PCDHGA1: variants seen among roughly 807,000 people sequenced by gnomAD.
The protein encoded by PCDHGA1 is protocadherin gamma subfamily A, 1.
In PCDHGA1, 32 loss-of-function variants were observed where a neutral mutation model predicts 58.0. That is an observed-to-expected ratio of 0.55 (90% confidence interval 0.42 to 0.74). PCDHGA1 has a LOEUF of 0.74. Among genes scored for constraint, PCDHGA1 ranks in the 30% least tolerant of loss-of-function variants. PCDHGA1 has a pLI of 0.00. For missense variants in PCDHGA1, 1,205 were observed against 1,182.3 expected, an observed-to-expected ratio of 1.02 and a Z score of -0.28; for synonymous variants, 498 against 501.1, an observed-to-expected ratio of 0.99 and a Z score of 0.08.
Position 141,489,138 on chromosome 5 carries a change from T to C in PCDHGA1, c.2422-5669T>C. 1.4e-6 allele frequency: 1 copy of C among 738,808 alleles called. No homozygotes were observed. The highest frequency in any genetic ancestry group is 3.0e-5 in the Admixed American group (1 of 33,014). The allele number at this position is 738,808 out of a possible 1,614,324, so 45.8% of individuals were successfully genotyped here. On this transcript the variant is annotated intron_variant, in intron 1 of 3. Transcript: ENST00000517417. This position sits in a 1 kb window ranked among gnomAD's most constrained non-coding sequence, Gnocchi z 4.5. ...AACCTCCGAGCAGTTTTTAAGAGGC[T>C]GGAAGGAGACATAAGAGACTTCAGC...
intron 1 of PCDHGA1, chr5:141,426,560 G>A (rs1358683534): frequency 5.7e-6 from 2 of 352,756 alleles, no homozygotes; most frequent in South Asian, 2.1e-5. Flanking sequence ...AGAATAGATC[G>A]AGAGTCACTG....
At chr5:141,418,769 C>A (rs1488222030) in intron 1 of PCDHGA1, 2 of 1,613,828 alleles carry the variant, frequency 1.2e-6, no homozygotes, top group East Asian at 4.5e-5. Flanking sequence ...CATTCTAACT[C>A]AGCAGCCTTT....
intron 1 of PCDHGA1, chr5:141,374,217 T>C (rs771956915): frequency 5.6e-6 from 9 of 1,613,862 alleles, no homozygotes; most frequent in Non-Finnish European, 6.8e-6. Context: ...GGCTCCTTCG[T>C]AGGCAACATC....
chr5:141,346,255 T>A, intron 1 of PCDHGA1: 24 of 1,614,188 alleles, frequency 1.5e-5, no homozygotes, highest in Non-Finnish European at 1.9e-5. Context: ...TCGCACTTTG[T>A]GGGCGCGGAC....
chr5:141,387,740 C>T lies in PCDHGA1; in HGVS notation c.2421+54635C>T, dbSNP rs952205441. The T allele has an allele frequency of 3.8e-6, 5 of 1,328,736 alleles. No individual in the cohort carries two copies. In the African/African-American group the frequency reaches 5.9e-5, roughly 16 times the overall value. The allele number at this position is 1,328,736 out of a possible 1,614,324, so 82.3% of individuals were successfully genotyped here. ...GACTCCCCAGCGCCAGCCTTTACAC[C>T]GCTTCCTCCTCGGAAAAAGAAGAAT... On this transcript the variant is annotated intron_variant, in intron 1 of 3. Coordinates refer to ENST00000517417, the MANE Select transcript of PCDHGA1 (RefSeq NM_018912.3).
chr5:141,372,572 C>A (rs1199574805), intron 1 of PCDHGA1: 2 of 1,613,940 alleles, frequency 1.2e-6, no homozygotes, highest in Admixed American at 1.7e-5. Context: ...CTGAGGGCTA[C>A]TTTCAGCCTG....
intron 1 of PCDHGA1, chr5:141,413,487 G>A (rs1190400492): frequency 1.9e-6 from 3 of 1,613,928 alleles, no homozygotes; most frequent in African/African-American, 2.7e-5. Context: ...CTCAGAGCGC[G>A]CGGTGCGTGG....
intron 1 of PCDHGA1, chr5:141,372,116 C>T: frequency 6.2e-7 from 1 of 1,613,806 alleles, no homozygotes; most frequent in Non-Finnish European, 8.5e-7. Context: ...GCTCTGCGCT[C>T]TTCGATATGG....
chr5:141,418,430 T>G (rs1331082135), intron 1 of PCDHGA1: 1 of 1,613,908 alleles, frequency 6.2e-7, no homozygotes, highest in South Asian at 1.1e-5. Flanking sequence ...TGGTGGCAAA[T>G]ATCCAGAATT....
chr5:141,351,852 G>A (rs1234964574), intron 1 of PCDHGA1: 3 of 1,613,262 alleles, frequency 1.9e-6, no homozygotes, highest in Non-Finnish European at 8.5e-7. Flanking sequence ...CTGCAGGCCA[G>A]GGACCAGGGC....
rs754227871 is a variant in PCDHGA1, at chr5:141,331,484, C to G, written c.800C>G (p.Thr267Ser). The change falls in exon 1 of 4, where the codon ACT (threonine) becomes AGT (serine). Residue 267 changes from threonine to serine, a missense_variant. Coordinates refer to ENST00000517417, the MANE Select transcript of PCDHGA1 (RefSeq NM_018912.3). ...LGTQLLMVNA[T>S]DPDEGANGEV... ...ACTCAGCTGCTCATGGTAAATGCCACTGACCCTGATGAGGGAGCCAATGGG... is the reference window on the plus strand; with the variant it reads ...ACTCAGCTGCTCATGGTAAATGCCAGTGACCCTGATGAGGGAGCCAATGGG... The G allele has an allele frequency of 6.2e-7, 1 of 1,614,194 alleles. No homozygotes were observed. The highest frequency in any genetic ancestry group is 1.1e-5 in the South Asian group (1 of 91,082).
intron 1 of PCDHGA1, among the ~76,000 whole-genome samples, chr5:141,436,517 G>A (rs1398225419): frequency 1.3e-5 from 2 of 152,130 alleles, no homozygotes; most frequent in African/African-American, 4.8e-5. Flanking sequence ...TGTTAACTGT[G>A]TCACCTTTAG....
rs188091361 is a variant in PCDHGA1, at chr5:141,375,199, C to T, written c.2421+42094C>T. 47 of 1,613,924 alleles carry T rather than the reference C, an allele frequency of 2.9e-5. No individual in the cohort carries two copies. The South Asian group carries it at 4.7e-4, about 16-fold the overall frequency. ...CAGTAATCGCCCTTTTTCAAGTGTT[C>T]GATCGAGACTCTGGCCTGAATGGCC... On this transcript the variant is annotated intron_variant, in intron 1 of 3. Transcript: ENST00000517417.
intron 1 of PCDHGA1, among the ~76,000 whole-genome samples, chr5:141,381,821 TTC>T (rs1354203071): frequency 5.5e-5 from 7 of 126,128 alleles, no homozygotes; most frequent in African/African-American, 2.4e-4. Context: ...TCTTTCTTTC[TTC>T]TTCTTTTTTT....
intron 1 of PCDHGA1, chr5:141,427,254 G>A (rs1013561568): frequency 1.8e-5 from 8 of 456,644 alleles, no homozygotes; most frequent in Non-Finnish European, 2.6e-5. Flanking sequence ...GGATGGTGGA[G>A]GCATGACCAG....
intron 1 of PCDHGA1, chr5:141,352,656 C>G (rs372258212): frequency 6.4e-5 from 102 of 1,597,586 alleles, no homozygotes; most frequent in Non-Finnish European, 8.3e-5. Context: ...TATGACCCTT[C>G]TTTGTCTTCG....
chr5:141,403,384 A>C lies in PCDHGA1; in HGVS notation c.2421+70279A>C, dbSNP rs201959000. 4.4e-4 allele frequency: 703 copies of C among 1,614,030 alleles called. No homozygotes were observed. Among genetic ancestry groups the C allele is most frequent in the Non-Finnish European group, 5.5e-4 (652 of 1,179,890 alleles). ...AAAGTCTGGAAGTAAAAATTAACGA[A>C]ATCGCGGTTCCTGGAGCACGTTATC... On this transcript the variant is annotated intron_variant, in intron 1 of 3. Coordinates refer to ENST00000517417, the MANE Select transcript of PCDHGA1 (RefSeq NM_018912.3).
At chr5:141,448,921 G>A (rs1323304761) in intron 1 of PCDHGA1, among the ~76,000 whole-genome samples, 3 of 152,120 alleles carry the variant, frequency 2.0e-5, no homozygotes, top group Admixed American at 1.3e-4. Flanking sequence ...CTCCAGCCTG[G>A]GCGACAGAGC....
chr5:141,423,230 G>A (rs1223173152), intron 1 of PCDHGA1: 1 of 1,613,872 alleles, frequency 6.2e-7, no homozygotes, highest in East Asian at 2.2e-5. Flanking sequence ...GTGGCCGACA[G>A]CATCCCCGAA....
Sources: allele counts gnomAD v4.1 joint callset (sites outside exome capture counted in the v4.1 genomes callset), GRCh38; gene constraint gnomAD v4.1.1; non-coding constraint Gnocchi (gnomAD v3.1); transcripts MANE v1.5; gene names NCBI Gene and HGNC (gene_info 2026-07-23, HGNC 2026-07-21).